The following ZRANB1 variants were observed in gnomAD, a reference collection of about 807,000 sequenced individuals.
ZRANB1 encodes ubiquitin thioesterase ZRANB1.
In ZRANB1, 16 loss-of-function variants were observed where a neutral mutation model predicts 80.5. That is an observed-to-expected ratio of 0.20 (90% confidence interval 0.13 to 0.30). ZRANB1 has a LOEUF of 0.30. Among genes scored for constraint, ZRANB1 ranks in the 10% least tolerant of loss-of-function variants. The pLI, the probability that ZRANB1 is intolerant of heterozygous loss-of-function variation, is 1.00. For missense variants in ZRANB1, 576 were observed against 862.6 expected, an observed-to-expected ratio of 0.67 and a Z score of 4.16; for synonymous variants, 291 against 293.1, an observed-to-expected ratio of 0.99 and a Z score of 0.07.
the ZRANB1 span, among the ~76,000 whole-genome samples, chr10:124,932,019 T>C: frequency 6.6e-6 from 1 of 152,222 alleles, no homozygotes; most frequent in Admixed American, 6.5e-5. Context: ...TTTTACTGTC[T>C]TCATGTTTTG....
chr10:124,961,311 C>T (rs541724565), intron 1 of ZRANB1, among the ~76,000 whole-genome samples: 1 of 152,092 alleles, frequency 6.6e-6, no homozygotes, highest in African/African-American at 2.4e-5. Flanking sequence ...CAGCTGGAAC[C>T]TAAGATTTTT....
At chr10:124,950,546 A>T (rs989865546) in intron 1 of ZRANB1, among the ~76,000 whole-genome samples, 8 of 152,336 alleles carry the variant, frequency 5.3e-5, no homozygotes, top group African/African-American at 1.7e-4. Flanking sequence ...TGTGTTGAGA[A>T]TCAATGTTTG....
At chr10:124,966,468 T>C in intron 1 of ZRANB1, 126 bp from the exon 2 acceptor site, 1 of 923,466 alleles carries the variant, frequency 1.1e-6, no homozygotes. Flanking sequence ...ATAGGACATT[T>C]AAATGATGCA....
Position 124,942,741 on chromosome 10 carries a change from A to C in ZRANB1, c.248A>C (p.Glu83Ala), listed in dbSNP as rs748116899. Residue 83 changes from glutamate to alanine, a missense_variant, in exon 1 of 9, where the codon GAA (glutamate) becomes GCA (alanine). Around this residue, in one of 3 missense-constraint regions of ZRANB1, gnomAD observed 411 missense variants for 583.1 expected, o/e 0.70. Coordinates refer to ENST00000359653, the MANE Select transcript of ZRANB1 (RefSeq NM_017580.3). The stretch of plus-strand genomic sequence containing the variant: ...AGGGTGAAATCTTCGTATAGCATGG[A>C]AAATGCAAATAAGTGGTCATGCCAC... ...RPRVKSSYSM[E>A]NANKWSCHMC... The C allele has an allele frequency of 6.2e-7, 1 of 1,614,224 alleles. No homozygotes were observed. The highest frequency in any genetic ancestry group is 8.5e-7 in the Non-Finnish European group (1 of 1,180,038).
At chr10:124,922,272 TATATGTAAA>T in the ZRANB1 span, among the ~76,000 whole-genome samples, 162 of 56,294 alleles carry the variant, frequency 2.9e-3, no homozygotes, top group African/African-American at 6.2e-3. Flanking sequence ...TATATATATA[TATATGTAAA>T]ATATATATAT....
At chr10:124,919,491 G>T in the ZRANB1 span, among the ~76,000 whole-genome samples, 1 of 151,792 alleles carries the variant, frequency 6.6e-6, no homozygotes, top group Non-Finnish European at 1.5e-5. Flanking sequence ...AGGTTGCTGC[G>T]AGCCGAGATC....
intron 1 of ZRANB1, among the ~76,000 whole-genome samples, chr10:124,952,339 G>A (rs1451383612): frequency 1.3e-5 from 2 of 152,202 alleles, no homozygotes; most frequent in African/African-American, 2.4e-5. Context: ...ATGGGACCAT[G>A]AGAAGAGAAG....
intron 1 of ZRANB1, among the ~76,000 whole-genome samples, chr10:124,951,398 G>T (rs1951637666): frequency 6.6e-6 from 1 of 152,150 alleles, no homozygotes; most frequent in African/African-American, 2.4e-5. Context: ...ATTTTAAAGT[G>T]ATTTATATTA....
intron 2 of ZRANB1, among the ~76,000 whole-genome samples, chr10:124,970,390 C>T (rs1410144907): frequency 1.3e-5 from 2 of 152,140 alleles, no homozygotes; most frequent in Admixed American, 6.5e-5. Context: ...TCCCCAGTAG[C>T]TGGGACTACT....
intron 1 of ZRANB1, among the ~76,000 whole-genome samples, chr10:124,953,539 A>G (rs1325006743): frequency 1.3e-5 from 2 of 152,178 alleles, no homozygotes; most frequent in African/African-American, 2.4e-5. Context: ...GCCCAGGGTA[A>G]TCTGCTACTT....
rs189719221 is a variant in ZRANB1, at chr10:124,956,942, A to G, written c.815-9652A>G. Among the ~76,000 whole-genome samples, 20 of 152,348 alleles carry G rather than the reference A, an allele frequency of 1.3e-4. No homozygotes were observed. In the East Asian group the frequency reaches 3.9e-3, roughly 29 times the overall value. On this transcript the variant is annotated intron_variant, in intron 1 of 8. Transcript: ENST00000359653. Reference sequence around the variant, plus strand: ...TGAACTGTTTGAGAGTTAGCTGAAGACATCATGACACTTTACCCCTAAATA... The same window carrying G: ...TGAACTGTTTGAGAGTTAGCTGAAGGCATCATGACACTTTACCCCTAAATA...
chr10:124,980,377 T>C (rs987204194), intron 5 of ZRANB1, among the ~76,000 whole-genome samples: 1 of 152,224 alleles, frequency 6.6e-6, no homozygotes, highest in African/African-American at 2.4e-5. Context: ...TTGAAGAGTT[T>C]TGAGTGCAAT....
Position 124,983,538 on chromosome 10 carries a change from C to T in ZRANB1, c.1758C>T (p.Phe586=). 1.2e-6 allele frequency: 2 copies of T among 1,614,146 alleles called. No homozygotes were observed. The highest frequency in any genetic ancestry group is 2.2e-5 in the South Asian group (2 of 91,080). Residue 586 remains phenylalanine (F), a synonymous_variant, in exon 8 of 9, where the codon TTC becomes TTT. Transcript: ENST00000359653. The surrounding 1 kb of genome is among the most constrained non-coding windows in gnomAD (Gnocchi z 6.2). The part of the protein sequence containing the change: ...PIALGYTRGH[F]SALVAMENDG... ...CTCTGGGTTATACGAGGGGCCACTTCTCTGCTTTGGTTGCCATGGAAAATG... is the reference window on the plus strand; with the variant it reads ...CTCTGGGTTATACGAGGGGCCACTTTTCTGCTTTGGTTGCCATGGAAAATG...
At chr10:124,961,119 A>G (rs184575463) in intron 1 of ZRANB1, among the ~76,000 whole-genome samples, 1 of 151,964 alleles carries the variant, frequency 6.6e-6, no homozygotes, top group Non-Finnish European at 1.5e-5. Context: ...CTCCTGCCTC[A>G]GCCTCCCGAG....
chr10:124,970,771 C>T (rs1367221303), intron 2 of ZRANB1, among the ~76,000 whole-genome samples: 1 of 150,900 alleles, frequency 6.6e-6, no homozygotes, highest in Non-Finnish European at 1.5e-5. Context: ...TTGGGATAAT[C>T]GTCCAGGTTG....
chr10:124,943,072 A>C lies in ZRANB1; in HGVS notation c.579A>C (p.Ser193=). 6.2e-7 allele frequency: 1 copy of C among 1,614,224 alleles called. No individual in the cohort carries two copies. The highest frequency in any genetic ancestry group is 8.5e-7 in the Non-Finnish European group (1 of 1,180,042). Residue 193 remains serine (S), a synonymous_variant, in exon 1 of 9, where the codon TCA becomes TCC. Transcript: ENST00000359653. ...TGGCAGAGACTGAAGAGGCTTCTTC[A>C]ATAATAAATGAGCAAGACAGAGCTC... ...IELAETEEAS[S]IINEQDRARW...
At chr10:124,984,099 G>T (rs6597868) in intron 8 of ZRANB1, among the ~76,000 whole-genome samples, 145,117 of 151,836 alleles carry the variant, frequency 0.96, 69,500 homozygotes, top group Non-Finnish European at 0.99. Context: ...AGGGATGGGG[G>T]GGAGTTCATT....
chr10:124,976,610 C>T (rs1398329281), intron 5 of ZRANB1, among the ~76,000 whole-genome samples: 2 of 144,720 alleles, frequency 1.4e-5, no homozygotes, highest in South Asian at 2.2e-4. Context: ...CTTACTCTGT[C>T]GCCCAGGCTG....
intron 3 of ZRANB1, among the ~76,000 whole-genome samples, chr10:124,972,997 TCA>T (rs1158266634): frequency 6.6e-6 from 1 of 152,138 alleles, no homozygotes; most frequent in Non-Finnish European, 1.5e-5. Flanking sequence ...AGGCTAGATC[TCA>T]GTGTTTTTAA....
Sources: allele counts gnomAD v4.1 joint callset (sites outside exome capture counted in the v4.1 genomes callset), GRCh38; gene constraint gnomAD v4.1.1; regional missense constraint gnomAD v4.1.1; non-coding constraint Gnocchi (gnomAD v3.1); transcripts MANE v1.5; gene names NCBI Gene and HGNC (gene_info 2026-07-23, HGNC 2026-07-21).